The following RTTN variants were observed in gnomAD, a reference collection of about 807,000 sequenced individuals.
The protein encoded by RTTN is rotatin.
RTTN carries 182 observed loss-of-function variants against 269.2 expected under a neutral mutation model. The ratio of observed to expected loss-of-function variants is 0.68; its 90% CI spans 0.60 to 0.76. The LOEUF is 0.76. Ranked by LOEUF, RTTN falls within the 30% of genes least tolerant of loss-of-function variation. RTTN has a pLI of 0.00. For missense variants in RTTN, 2,545 were observed against 2,608.6 expected, an observed-to-expected ratio of 0.98 and a Z score of 0.53; for synonymous variants, 1,006 against 963.5, an observed-to-expected ratio of 1.04 and a Z score of -0.82.
At chr18:70,098,254 T>C (rs1376539547) in intron 28 of RTTN, among the ~76,000 whole-genome samples, 1 of 152,116 alleles carries the variant, frequency 6.6e-6, no homozygotes, top group Non-Finnish European at 1.5e-5. Flanking sequence ...ATCAAAAAGT[T>C]AGAAAGATCT....
chr18:70,166,236 T>C, intron 13 of RTTN, 48 bp from the exon 14 acceptor site: 2 of 1,599,554 alleles, frequency 1.3e-6, no homozygotes, highest in Admixed American at 1.7e-5. Context: ...AGTAAGTTAG[T>C]AAGCAAAAGA....
intron 14 of RTTN, among the ~76,000 whole-genome samples, chr18:70,159,807 A>G (rs1409247257): frequency 6.6e-6 from 1 of 152,166 alleles, no homozygotes; most frequent in African/African-American, 2.4e-5. Flanking sequence ...TATGCATACC[A>G]AATAGAAAGC....
At chr18:70,137,336 T>C (rs1293776242) in intron 21 of RTTN, among the ~76,000 whole-genome samples, 1 of 152,200 alleles carries the variant, frequency 6.6e-6, no homozygotes, top group African/African-American at 2.4e-5. Flanking sequence ...GATTTCTAAG[T>C]TAATTTCTAA....
At chr18:70,138,485 G>A (rs962241928) in intron 21 of RTTN, 5 of 152,032 alleles carry the variant, frequency 3.3e-5, no homozygotes, top group African/African-American at 9.7e-5. Flanking sequence ...TTCCATGCTT[G>A]AATAATTTAA....
rs2056683358 is a variant in RTTN, at chr18:70,020,830, C to G, written c.5951-13G>C. ...AGAGAACTGCAACCTTCAAAAATAACAGCCTATCACAATGTCTTCTCAGTT... is the reference window on the plus strand; with the variant it reads ...AGAGAACTGCAACCTTCAAAAATAAGAGCCTATCACAATGTCTTCTCAGTT... On this transcript the variant is annotated splice_polypyrimidine_tract_variant and intron_variant, in intron 44 of 48. Coordinates refer to ENST00000640769, the MANE Select transcript of RTTN (RefSeq NM_173630.4). The G allele has an allele frequency of 6.3e-7, 1 of 1,599,114 alleles. No individual in the cohort carries two copies. The highest frequency in any genetic ancestry group is 8.5e-7 in the Non-Finnish European group (1 of 1,170,706).
intron 31 of RTTN, 68 bp from the exon 32 acceptor site, chr18:70,086,752 G>A: frequency 7.5e-7 from 1 of 1,335,152 alleles, no homozygotes; most frequent in Non-Finnish European, 1.0e-6. Context: ...CTGCCATCTT[G>A]TGGTCATCTC....
intron 26 of RTTN, among the ~76,000 whole-genome samples, chr18:70,119,123 G>GA (rs2059672579): frequency 6.6e-6 from 1 of 152,002 alleles, no homozygotes; most frequent in African/African-American, 2.4e-5. Flanking sequence ...ATCCACATTA[G>GA]AAAAAAGGCA....
In RTTN at chr18:70,073,891, A is replaced by T; in HGVS notation, c.4653+15T>A. The T allele has an allele frequency of 6.3e-7, 1 of 1,591,150 alleles. No homozygotes were observed. Among genetic ancestry groups the T allele is most frequent in the Non-Finnish European group, 8.6e-7 (1 of 1,159,982 alleles). On this transcript the variant is annotated intron_variant, in intron 34 of 48. Transcript: ENST00000640769. ...GAGATTCAAAATAAAGGACTTATGCATTCTTTGCAAGTACCGTTGTTTCTG... is the reference window on the plus strand; with the variant it reads ...GAGATTCAAAATAAAGGACTTATGCTTTCTTTGCAAGTACCGTTGTTTCTG...
chr18:70,074,573 TAC>T lies in RTTN; in HGVS notation c.4565-581_4565-580del, dbSNP rs371387379. On this transcript the variant is annotated intron_variant, in intron 33 of 48. Coordinates refer to ENST00000640769, the MANE Select transcript of RTTN (RefSeq NM_173630.4). ...ACATATCCGTTTATTTATACACACA[TAC>T]ACACACATGTGGCAAGATGTAAATA... Among the ~76,000 whole-genome samples the T allele has an allele frequency of 2.9e-3, 439 of 152,152 alleles. 1 individual carries two copies. The highest frequency in any genetic ancestry group is 9.8e-3 in the African/African-American group (407 of 41,534).
intron 32 of RTTN, among the ~76,000 whole-genome samples, chr18:70,083,252 G>C (rs1301084355): frequency 6.6e-6 from 1 of 152,060 alleles, no homozygotes; most frequent in Non-Finnish European, 1.5e-5. Flanking sequence ...GTATGCTTCT[G>C]CATCCACAGA....
intron 23 of RTTN, among the ~76,000 whole-genome samples, chr18:70,132,811 T>C (rs2060030084): frequency 6.6e-6 from 1 of 152,122 alleles, no homozygotes; most frequent in African/African-American, 2.4e-5. Flanking sequence ...AGATACACTA[T>C]ACATCCATCA....
intron 28 of RTTN, among the ~76,000 whole-genome samples, chr18:70,100,414 G>A (rs1385140456): frequency 6.6e-6 from 1 of 152,196 alleles, no homozygotes; most frequent in South Asian, 2.1e-4. Flanking sequence ...TGTGACTTCT[G>A]CACATTGATT....
chr18:70,041,821 T>C (rs1348378935), intron 40 of RTTN, among the ~76,000 whole-genome samples: 1 of 152,072 alleles, frequency 6.6e-6, no homozygotes, highest in Non-Finnish European at 1.5e-5. Context: ...TGTCGTCTCC[T>C]ACTTGGCTAC....
chr18:70,203,067 T>C (rs1485174380), intron 3 of RTTN, among the ~76,000 whole-genome samples: 2 of 152,184 alleles, frequency 1.3e-5, no homozygotes, highest in Non-Finnish European at 2.9e-5. Flanking sequence ...CAAGGCACTA[T>C]ACTAGGCATT....
At chr18:70,092,902 T>G in intron 28 of RTTN, 98 bp from the exon 29 acceptor site, 1 of 1,046,172 alleles carries the variant, frequency 9.6e-7, no homozygotes, top group East Asian at 2.7e-5. Context: ...AATTGAATCC[T>G]TACCTTATAA....
rs1231743674 is a variant in RTTN, at chr18:70,139,721, G to A, written c.2671-5C>T. The A allele has an allele frequency of 6.4e-7, 1 of 1,564,060 alleles. No individual in the cohort carries two copies. Among genetic ancestry groups the A allele is most frequent in the South Asian group, 1.1e-5 (1 of 89,386 alleles). Reference sequence around the variant, plus strand: ...TTGTACCAAACATTCTACAACCTGGGCCAGGAGGAAAAACACAGCTTTTCA... The same window carrying A: ...TTGTACCAAACATTCTACAACCTGGACCAGGAGGAAAAACACAGCTTTTCA... On this transcript the variant is annotated splice_region_variant and splice_polypyrimidine_tract_variant and intron_variant, in intron 20 of 48. Coordinates refer to ENST00000640769, the MANE Select transcript of RTTN (RefSeq NM_173630.4).
intron 39 of RTTN, among the ~76,000 whole-genome samples, chr18:70,050,872 T>C (rs1486148406): frequency 2.0e-5 from 3 of 152,064 alleles, no homozygotes; most frequent in Non-Finnish European, 2.9e-5. Flanking sequence ...AGATGAACAA[T>C]GAGAACACAT....
intron 34 of RTTN, among the ~76,000 whole-genome samples, chr18:70,067,049 G>A (rs1461632604): frequency 6.6e-6 from 1 of 151,952 alleles, no homozygotes; most frequent in Non-Finnish European, 1.5e-5. Flanking sequence ...AATCTAAAAA[G>A]TAAATCTGGA....
chr18:70,124,807 C>T (rs2059822748), intron 25 of RTTN, among the ~76,000 whole-genome samples: 1 of 151,928 alleles, frequency 6.6e-6, no homozygotes, highest in Non-Finnish European at 1.5e-5. Flanking sequence ...AAATGAGTGG[C>T]ATAAGGTTAA....
Sources: gnomAD v4.1 joint callset for allele counts (sites outside exome capture counted in the v4.1 genomes callset) on GRCh38, gnomAD v4.1.1 for gene constraint, MANE v1.5 for transcripts, NCBI Gene and HGNC (gene_info 2026-07-23, HGNC 2026-07-21) for gene names.